The following ATP1B3 variants were observed in gnomAD, a reference collection of about 807,000 sequenced individuals.
ATP1B3 encodes ATPase Na+/K+ transporting subunit beta 3.
A neutral mutation model predicts 30.2 loss-of-function variants in ATP1B3; 10 were observed. That is an observed-to-expected ratio of 0.33 (90% CI 0.20 to 0.56). ATP1B3 has a LOEUF of 0.56. Ranked by LOEUF, ATP1B3 falls within the 20% of genes least tolerant of loss-of-function variation. The pLI is 0.90. For synonymous variants in ATP1B3, 113 were observed against 117.0 expected, an observed-to-expected ratio of 0.97 and a Z score of 0.22; for missense variants, 238 against 336.7, an observed-to-expected ratio of 0.71 and a Z score of 2.29.
chr3:141,919,942 GA>G (rs34049823), intron 5 of ATP1B3, among the ~76,000 whole-genome samples: 4 of 149,744 alleles, frequency 2.7e-5, no homozygotes, highest in Admixed American at 1.3e-4. Context: ...GTCTCAAAAA[GA>G]AAAAAAAATA....
chr3:141,910,537 C>T (rs889462815), intron 3 of ATP1B3, among the ~76,000 whole-genome samples: 30 of 151,880 alleles, frequency 2.0e-4, no homozygotes, highest in Admixed American at 1.7e-3. Context: ...CCTTTTTATA[C>T]TTGGTCTTTA....
At chr3:141,924,798 C>T (rs1934625582) in intron 6 of ATP1B3, among the ~76,000 whole-genome samples, 6 of 151,636 alleles carry the variant, frequency 4.0e-5, no homozygotes, top group Admixed American at 3.9e-4. Context: ...ATTAAAAATA[C>T]AAAAGTTAGC....
intron 6 of ATP1B3, 143 bp downstream of exon 6, chr3:141,922,206 G>A: frequency 1.8e-6 from 1 of 551,574 alleles, no homozygotes; most frequent in Non-Finnish European, 3.3e-6. Flanking sequence ...TATTTTAATG[G>A]TGATGGTAAA....
chr3:141,907,357 C>T (rs974268737), intron 3 of ATP1B3, 83 bp downstream of exon 3: 140 of 1,095,644 alleles, frequency 1.3e-4, no homozygotes, highest in Non-Finnish European at 1.7e-4. Context: ...CGGTAGCTCA[C>T]GCCTGTAATC....
At chr3:141,891,350 T>G (rs1480941707) in intron 1 of ATP1B3, among the ~76,000 whole-genome samples, 3 of 152,218 alleles carry the variant, frequency 2.0e-5, no homozygotes, top group African/African-American at 7.2e-5. Flanking sequence ...TTACAGAGCA[T>G]ACACAAAGAA....
intron 5 of ATP1B3, among the ~76,000 whole-genome samples, chr3:141,920,807 G>A (rs543455980): frequency 6.6e-6 from 1 of 152,164 alleles, no homozygotes; most frequent in Non-Finnish European, 1.5e-5. Context: ...TGGCTTTTGC[G>A]ATTTCTCCTA....
intron 2 of ATP1B3, among the ~76,000 whole-genome samples, chr3:141,904,828 G>A (rs549765013): frequency 6.7e-6 from 1 of 148,164 alleles, no homozygotes; most frequent in South Asian, 2.2e-4. Context: ...TCCTGCCTCA[G>A]CCTCCCAAGG....
At chr3:141,912,035 G>C (rs1934371507) in intron 3 of ATP1B3, among the ~76,000 whole-genome samples, 1 of 152,118 alleles carries the variant, frequency 6.6e-6, no homozygotes, top group African/African-American at 2.4e-5. Flanking sequence ...TTGGTGAAGG[G>C]CTTATTTTTT....
intron 1 of ATP1B3, among the ~76,000 whole-genome samples, chr3:141,887,324 T>C (rs911256457): frequency 6.6e-6 from 1 of 152,244 alleles, no homozygotes; most frequent in Non-Finnish European, 1.5e-5. Context: ...TTAAATGGGA[T>C]GTGGACTCTT....
At chr3:141,908,022 G>A (rs1183451681) in intron 3 of ATP1B3, among the ~76,000 whole-genome samples, 1 of 144,932 alleles carries the variant, frequency 6.9e-6, no homozygotes, top group Non-Finnish European at 1.5e-5. Context: ...AAATAGGTCA[G>A]TATAGTTATT....
chr3:141,918,912 T>G (rs1934517016), intron 5 of ATP1B3: 1 of 152,206 alleles, frequency 6.6e-6, no homozygotes, highest in Non-Finnish European at 1.5e-5. Flanking sequence ...TCAAAGCAGG[T>G]GGAGTTTTAA....
At chr3:141,923,242 CACTCCAGCCTGGGCA>C (rs1934597978) in intron 6 of ATP1B3, among the ~76,000 whole-genome samples, 1 of 151,176 alleles carries the variant, frequency 6.6e-6, no homozygotes, top group Non-Finnish European at 1.5e-5. Flanking sequence ...TGCACCATTG[CACTCCAGCCTGGGCA>C]ACAAAGCAAG....
chr3:141,918,633 T>C (rs1156385340), intron 5 of ATP1B3: 1 of 152,106 alleles, frequency 6.6e-6, no homozygotes, highest in Non-Finnish European at 1.5e-5. Flanking sequence ...GAGATGGGGT[T>C]TTACCATGTT....
intron 5 of ATP1B3, chr3:141,916,518 T>C: frequency 7.8e-7 from 1 of 1,279,422 alleles, no homozygotes; most frequent in Non-Finnish European, 1.0e-6. Context: ...CTCATAACTT[T>C]CTTTTGTTTT....
At chr3:141,902,295 T>C (rs1383505323) in intron 1 of ATP1B3, 14 of 1,147,066 alleles carry the variant, frequency 1.2e-5, no homozygotes, top group Non-Finnish European at 1.6e-5. Context: ...CTATTTCCCC[T>C]TTACTTGAAA....
At position 141,876,776 on chromosome 3, in the gene ATP1B3, C is replaced by T. The variant is rs368376011; in HGVS notation, c.-26C>T. On this transcript the variant is annotated 5_prime_UTR_variant, in exon 1 of 7. Transcript: ENST00000286371. Reference sequence around the variant, plus strand: ...GCCGCCTCCATCCCCGCGGCCGCAGCTCCTCTCGCCGTCCGCGCGCACACC... The same window carrying T: ...GCCGCCTCCATCCCCGCGGCCGCAGTTCCTCTCGCCGTCCGCGCGCACACC... 1 of 1,575,122 alleles carries T rather than the reference C, an allele frequency of 6.3e-7. No individual in the cohort carries two copies. Among genetic ancestry groups the T allele is most frequent in the Non-Finnish European group, 8.7e-7 (1 of 1,155,554 alleles).
intron 1 of ATP1B3, among the ~76,000 whole-genome samples, chr3:141,895,675 C>T (rs780997307): frequency 3.8e-4 from 58 of 152,260 alleles, no homozygotes; most frequent in Non-Finnish European, 7.2e-4. Context: ...ATTCACATTT[C>T]CCTACTGTGT....
intron 1 of ATP1B3, among the ~76,000 whole-genome samples, chr3:141,885,354 C>A (rs952770948): frequency 6.6e-6 from 1 of 152,196 alleles, no homozygotes; most frequent in East Asian, 1.9e-4. Context: ...ATAATCCTAG[C>A]CACCCGTACC....
At chr3:141,903,358 A>G (rs1437511501) in intron 1 of ATP1B3, among the ~76,000 whole-genome samples, 2 of 152,144 alleles carry the variant, frequency 1.3e-5, no homozygotes, top group East Asian at 3.8e-4. Flanking sequence ...ATTTTGAACC[A>G]GAGTATGAAT....
Sources: allele counts gnomAD v4.1 joint callset (sites outside exome capture counted in the v4.1 genomes callset), GRCh38; gene constraint gnomAD v4.1.1; transcripts MANE v1.5; gene names NCBI Gene and HGNC (gene_info 2026-07-23, HGNC 2026-07-21).